IPO11: variants seen among roughly 807,000 people sequenced by gnomAD.
The protein encoded by IPO11 is importin 11.
IPO11 carries 66 observed loss-of-function variants against 143.2 expected under a neutral mutation model. That is an observed-to-expected ratio of 0.46 (90% CI 0.38 to 0.57). The LOEUF (loss-of-function observed/expected upper bound fraction) is 0.57, where lower values mean the gene tolerates loss of function less well. Ranked by LOEUF, IPO11 falls within the 20% of genes least tolerant of loss-of-function variation. The pLI is 0.00. For synonymous variants in IPO11, 385 were observed against 377.8 expected (o/e 1.02, Z -0.22); for missense variants, 1,026 against 1,141.0 (o/e 0.90, Z 1.45).
chr5:62,443,821 A>G (rs1744602387), intron 3 of IPO11, among the ~76,000 whole-genome samples: 2 of 152,190 alleles, frequency 1.3e-5, no homozygotes. Flanking sequence ...TTTACATGTT[A>G]TATAATCAAT....
intron 1 of IPO11, among the ~76,000 whole-genome samples, chr5:62,416,461 C>T (rs962113093): frequency 5.6e-4 from 85 of 152,212 alleles, no homozygotes; most frequent in African/African-American, 1.9e-3. Context: ...GGATTACAGG[C>T]GTGAGCCACT....
chr5:62,412,940 G>A lies in IPO11; in HGVS notation c.-7+11G>A, dbSNP rs1359947447. 2.0e-5 allele frequency: 3 copies of A among 152,720 alleles called. No homozygotes were observed. The allele number at this position is 152,720 out of a possible 1,614,324, so 9.5% of individuals were successfully genotyped here. Reference sequence around the variant, plus strand: ...CGACCGAACCAAACGGTGAGGCCCCGGCCCGAGAGCCACCGAGCGCGCGGG... The same window carrying A: ...CGACCGAACCAAACGGTGAGGCCCCAGCCCGAGAGCCACCGAGCGCGCGGG... On this transcript the variant is annotated intron_variant, in intron 1 of 29. Transcript: ENST00000325324.
At chr5:62,620,593 T>G (rs566219662) in intron 29 of IPO11, among the ~76,000 whole-genome samples, 6 of 151,850 alleles carry the variant, frequency 4.0e-5, no homozygotes, top group Admixed American at 2.0e-4. Context: ...GCTTTCAGAT[T>G]ATTGGTAGAT....
At chr5:62,492,926 A>G (rs1377761692) in intron 15 of IPO11, among the ~76,000 whole-genome samples, 1 of 152,098 alleles carries the variant, frequency 6.6e-6, no homozygotes, top group Non-Finnish European at 1.5e-5. Context: ...AAAGTGTTTC[A>G]TTTATACCCA....
chr5:62,550,050 T>C (rs569263349), intron 24 of IPO11, among the ~76,000 whole-genome samples: 7 of 152,296 alleles, frequency 4.6e-5, no homozygotes, highest in Admixed American at 1.3e-4. Context: ...TTTTTAAGGG[T>C]TATTTGTTTA....
intron 20 of IPO11, among the ~76,000 whole-genome samples, chr5:62,516,732 A>G (rs890137002): frequency 1.3e-5 from 2 of 152,160 alleles, no homozygotes; most frequent in African/African-American, 4.8e-5. Flanking sequence ...ACATAACAAA[A>G]TTTACCGTTT....
chr5:62,441,386 G>A (rs530572132), intron 2 of IPO11, among the ~76,000 whole-genome samples: 3 of 151,028 alleles, frequency 2.0e-5, no homozygotes, highest in African/African-American at 7.3e-5. Context: ...TTATAGAAAC[G>A]GGATTTCTCC....
rs1298632336 is a variant in IPO11, at chr5:62,513,771, C to T, written c.1783-1617C>T. Among the ~76,000 whole-genome samples the T allele has an allele frequency of 7.3e-5, 11 of 151,370 alleles. No homozygotes were observed. In the East Asian group the frequency reaches 7.8e-4, roughly 11 times the overall value. ...CCTCCCGGACGGGGTGGCTGCCAGG[C>T]GGAGACGCTCCTCACTTCCCAGACG... is the stretch of plus-strand genomic sequence containing the variant. On this transcript the variant is annotated intron_variant, in intron 19 of 29. Transcript: ENST00000325324.
At chr5:62,586,292 A>G (rs953734630) in intron 27 of IPO11, among the ~76,000 whole-genome samples, 1 of 152,156 alleles carries the variant, frequency 6.6e-6, no homozygotes, top group East Asian at 1.9e-4. Flanking sequence ...TCATGATACA[A>G]TGTTATTCAA....
intron 27 of IPO11, chr5:62,579,745 G>T (rs1744471024): frequency 1.9e-6 from 3 of 1,547,306 alleles, no homozygotes; most frequent in Non-Finnish European, 2.6e-6. Flanking sequence ...ATATCCAAAA[G>T]CCTTTGTTCA....
chr5:62,519,346 A>G (rs900966856), intron 20 of IPO11, among the ~76,000 whole-genome samples: 8 of 152,046 alleles, frequency 5.3e-5, no homozygotes, highest in African/African-American at 1.9e-4. Context: ...CCTCCTCCTC[A>G]TTTCCTTTTT....
chr5:62,581,348 A>C, intron 27 of IPO11: 1 of 1,420,316 alleles, frequency 7.0e-7, no homozygotes, highest in Non-Finnish European at 9.3e-7. Context: ...AGTGCCATGG[A>C]CATGATTTAA....
intron 29 of IPO11, among the ~76,000 whole-genome samples, chr5:62,626,693 T>G (rs1468385165): frequency 2.0e-5 from 3 of 148,676 alleles, no homozygotes; most frequent in Non-Finnish European, 4.5e-5. Flanking sequence ...CAGAAGCATA[T>G]ACAGGAATTT....
chr5:62,497,248 G>C (rs1033254944), intron 16 of IPO11, among the ~76,000 whole-genome samples: 4 of 151,944 alleles, frequency 2.6e-5, no homozygotes, highest in African/African-American at 7.3e-5. Flanking sequence ...CTACCCCATA[G>C]GCAAGAATTT....
chr5:62,569,062 C>T (rs1744051347), intron 27 of IPO11, among the ~76,000 whole-genome samples: 1 of 152,164 alleles, frequency 6.6e-6, no homozygotes, highest in South Asian at 2.1e-4. Flanking sequence ...CTTTTCTCTT[C>T]CCTCATATGG....
At chr5:62,418,850 ATTC>A in intron 1 of IPO11, 1 of 720,686 alleles carries the variant, frequency 1.4e-6, no homozygotes, top group African/African-American at 1.8e-5. Context: ...TTGTCTCCTT[ATTC>A]TTATATGCCT....
intron 25 of IPO11, among the ~76,000 whole-genome samples, 173 bp downstream of exon 25, chr5:62,550,635 A>G (rs944680095): frequency 2.0e-5 from 3 of 152,234 alleles, no homozygotes; most frequent in East Asian, 1.9e-4. Context: ...ACAGGGAAGC[A>G]TAGATTTTCT....
intron 7 of IPO11, 99 bp downstream of exon 7, chr5:62,470,407 T>G (rs1010884053): frequency 5.5e-5 from 56 of 1,023,516 alleles, no homozygotes; most frequent in African/African-American, 1.4e-4. Flanking sequence ...TTAGAAGAGT[T>G]TTTATTAAGT....
At chr5:62,442,481 T>A (rs538524947) in intron 2 of IPO11, among the ~76,000 whole-genome samples, 1 of 152,332 alleles carries the variant, frequency 6.6e-6, no homozygotes, top group South Asian at 2.1e-4. Context: ...CAGGTGTACT[T>A]CTTATATGAA....
Sources: allele counts gnomAD v4.1 joint callset (sites outside exome capture counted in the v4.1 genomes callset), GRCh38; gene constraint gnomAD v4.1.1; transcripts MANE v1.5; gene names NCBI Gene and HGNC (gene_info 2026-07-23, HGNC 2026-07-21).